Variants in ZBTB9 observed in about 807,000 individuals in gnomAD.
ZBTB9 encodes zinc finger and BTB domain containing 9.
A neutral mutation model predicts 26.3 loss-of-function variants in ZBTB9; 17 were observed. That is an observed-to-expected ratio of 0.65 (90% CI 0.44 to 0.97). The LOEUF is 0.97. Ranked by LOEUF, ZBTB9 falls within the 50% of genes least tolerant of loss-of-function variation. The pLI, the probability that ZBTB9 is intolerant of heterozygous loss-of-function variation, is 0.00. For synonymous variants in ZBTB9, 226 were observed against 234.3 expected (o/e 0.96, Z 0.32); for missense variants, 510 against 594.2 (o/e 0.86, Z 1.47).
At chr6:33,454,863 GGTTGTT>G (rs144940549) in intron 1 of ZBTB9, 88 bp downstream of exon 1, 1 of 560,976 alleles carries the variant, frequency 1.8e-6, no homozygotes, top group Non-Finnish European at 3.0e-6. Flanking sequence ...TAGTGGTGGT[GGTTGTT>G]GTTGTTGTTT....
At chr6:33,454,057 A>G (rs2151218190), upstream of ZBTB9, 4 of 152,342 alleles carry the variant, frequency 2.6e-5, no homozygotes, top group South Asian at 8.3e-4. Context: ...AGAAAACAGG[A>G]AAGAACCTGC....
rs953041228 is a variant in ZBTB9 at position 33,455,935 on chromosome 6, C to A, written c.835C>A (p.Pro279Thr). Reference protein sequence around the residue: ...PLELPAPPALPPKIFYIKQEP... With the variant: ...PLELPAPPALTPKIFYIKQEP... ...TGAGCTTCCTGCCCCTCCTGCACTG[C>A]CCCCCAAAATCTTCTACATTAAGCA... Residue 279 changes from proline (P) to threonine (T), a missense_variant, in exon 2 of 2, where the codon CCC (proline) becomes ACC (threonine). Physicochemically the swap from Pro to Thr is conservative, Grantham distance 38 (BLOSUM62 -1). Coordinates refer to ENST00000395064, the MANE Select transcript of ZBTB9 (RefSeq NM_152735.4). 3 of 1,611,542 alleles carry A rather than the reference C, an allele frequency of 1.9e-6. No individual in the cohort carries two copies. The highest frequency in any genetic ancestry group is 1.3e-5 in the African/African-American group (1 of 74,992).
In ZBTB9 at chr6:33,455,970, CGAGCCTAAG is replaced by C. The variant is rs1561797110; in HGVS notation, c.874_882del (p.Pro292_Glu294del). On this transcript the variant is annotated inframe_deletion, in exon 2 of 2. Coordinates refer to ENST00000395064, the MANE Select transcript of ZBTB9 (RefSeq NM_152735.4). ...TCTTCTACATTAAGCAGGAACCCTT[CGAGCCTAAG>C]GAGGAGATATCAGGAAGCGGAACTC... The C allele has an allele frequency of 6.2e-7, 1 of 1,613,332 alleles. No homozygotes were observed. The highest frequency in any genetic ancestry group is 8.5e-7 in the Non-Finnish European group (1 of 1,179,658).
In ZBTB9 at chr6:33,455,676, T is replaced by C; in HGVS notation, c.576T>C (p.Thr192=). The C allele has an allele frequency of 6.2e-7, 1 of 1,614,172 alleles. No homozygotes were observed. Among genetic ancestry groups the C allele is most frequent in the Non-Finnish European group, 8.5e-7 (1 of 1,180,018 alleles). Residue 192 remains threonine, a synonymous_variant, in exon 2 of 2, where the codon ACT becomes ACC. Coordinates refer to ENST00000395064, the MANE Select transcript of ZBTB9 (RefSeq NM_152735.4). ...SSASTESPAS[T]ESPVGGEGSE... is the part of the protein sequence containing the mutation. ...CTTCTACTGAAAGCCCTGCTTCCAC[T>C]GAGAGCCCTGTGGGAGGGGAGGGAA... is the stretch of plus-strand genomic sequence containing the variant.
rs954575850 is a variant in ZBTB9 at position 33,454,758 on chromosome 6, A to G, written c.-89A>G. 4 of 344,132 alleles carry G rather than the reference A, an allele frequency of 1.2e-5. No individual in the cohort carries two copies. Among genetic ancestry groups the G allele is most frequent in the Non-Finnish European group, 2.1e-5 (4 of 188,752 alleles). 21.3% of individuals were successfully genotyped at this position (344,132 alleles called of 1,614,324 possible). A position where few individuals can be genotyped will look rare whatever the true frequency, so the allele number is the denominator to read the frequency against. Reference sequence around the variant, plus strand: ...GTGAGGCGGAACGGAGCGGCGGGGCAGGAGCTGTTCTGGGCAGGTGAAGGC... The same window carrying G: ...GTGAGGCGGAACGGAGCGGCGGGGCGGGAGCTGTTCTGGGCAGGTGAAGGC... On this transcript the variant is annotated 5_prime_UTR_variant, in exon 1 of 2. Transcript: ENST00000395064.
rs777788961 is a variant in ZBTB9, at chr6:33,455,181, C to T, written c.81C>T (p.Phe27=). Residue 27 remains phenylalanine (F), a synonymous_variant, in exon 2 of 2, where the codon TTC becomes TTT. Transcript: ENST00000395064. ...NPAPRTIQIE[F]PQHSSSLLES... Reference sequence around the variant, plus strand: ...CCCCACGGACAATCCAGATCGAGTTCCCACAGCATAGCTCGTCTCTGCTGG... The same window carrying T: ...CCCCACGGACAATCCAGATCGAGTTTCCACAGCATAGCTCGTCTCTGCTGG... 2 of 1,614,124 alleles carry T rather than the reference C, an allele frequency of 1.2e-6. No homozygotes were observed. The highest frequency in any genetic ancestry group is 2.2e-5 in the East Asian group (1 of 44,882).
chr6:33,455,137 T>G lies in ZBTB9; in HGVS notation c.37T>G (p.Ser13Ala), dbSNP rs1420612464. ...AACACCTTTGCCGCCTGTACCCGCC[T>G]CCCCGACCTGCAACCCAGCCCCACG... ...TPTPLPPVPASPTCNPAPRTI... is the reference protein window; with the variant it reads ...TPTPLPPVPAAPTCNPAPRTI... Residue 13 changes from serine (S) to alanine (A), a missense_variant, in exon 2 of 2, where the codon TCC becomes GCC. By Grantham distance (99) the Ser-to-Ala change is moderately conservative. This residue lies in a region of ZBTB9 where 439 missense variants were observed against 460.4 expected (regional missense o/e 0.95). Coordinates refer to ENST00000395064, the MANE Select transcript of ZBTB9 (RefSeq NM_152735.4). The G allele has an allele frequency of 2.5e-6, 4 of 1,612,236 alleles. No homozygotes were observed. Among genetic ancestry groups the G allele is most frequent in the Non-Finnish European group, 3.4e-6 (4 of 1,178,906 alleles).
chr6:33,455,351 G>GTCTCA lies in ZBTB9; in HGVS notation c.252_256dup (p.Thr86IlefsTer47). The GTCTCA allele has an allele frequency of 6.2e-7, 1 of 1,614,164 alleles. No homozygotes were observed. The highest frequency in any genetic ancestry group is 8.5e-7 in the Non-Finnish European group (1 of 1,180,036). ...AAGCTGCTTCTGGGGGATGCGCCTCGTCTCACTCTACCGAGTGTCATTGAA... is the reference window on the plus strand; with the variant it reads ...AAGCTGCTTCTGGGGGATGCGCCTCGTCTCATCTCACTCTACCGAGTGTCATTGAA... On this transcript the variant is annotated frameshift_variant, in exon 2 of 2. Transcript: ENST00000395064. LOFTEE classifies it high-confidence loss of function.
rs776362917 is a variant in ZBTB9, at chr6:33,455,915, T to A, written c.815T>A (p.Leu272His). The change falls in exon 2 of 2, where the codon CTT (leucine) becomes CAT (histidine). Residue 272 changes from leucine (L) to histidine (H), a missense_variant. Coordinates refer to ENST00000395064, the MANE Select transcript of ZBTB9 (RefSeq NM_152735.4). ...GAGGGTGAGAGTGCACCACTTGAGC[T>A]TCCTGCCCCTCCTGCACTGCCCCCC... Reference protein sequence around the residue: ...LPEGESAPLELPAPPALPPKI... With the variant: ...LPEGESAPLEHPAPPALPPKI... The A allele has an allele frequency of 6.2e-7, 1 of 1,613,034 alleles. No individual in the cohort carries two copies. The highest frequency in any genetic ancestry group is 1.1e-5 in the South Asian group (1 of 90,894).
At position 33,455,623 on chromosome 6, in the gene ZBTB9, C is replaced by T; in HGVS notation, c.523C>T (p.Pro175Ser). The change falls in exon 2 of 2, where the codon CCT becomes TCT. Residue 175 changes from proline to serine, a missense_variant. Around this residue, in one of 2 missense-constraint regions of ZBTB9, gnomAD observed 439 missense variants for 460.4 expected, o/e 0.95. Coordinates refer to ENST00000395064, the MANE Select transcript of ZBTB9 (RefSeq NM_152735.4). ...STGGWCIRSS[P>S]FQTPVQSSAS... is the part of the protein sequence containing the mutation. ...AGGAGGCTGGTGCATTCGCTCTTCGCCTTTCCAGACCCCAGTACAGTCCTC... is the reference window on the plus strand; with the variant it reads ...AGGAGGCTGGTGCATTCGCTCTTCGTCTTTCCAGACCCCAGTACAGTCCTC... The T allele has an allele frequency of 6.2e-7, 1 of 1,613,984 alleles. No homozygotes were observed.
chr6:33,456,063 T>C lies in ZBTB9; in HGVS notation c.963T>C (p.Asn321=). 1 of 1,613,922 alleles carries C rather than the reference T, an allele frequency of 6.2e-7. No individual in the cohort carries two copies. The change falls in exon 2 of 2, where the codon AAT becomes AAC. Residue 321 remains asparagine, a synonymous_variant. Coordinates refer to ENST00000395064, the MANE Select transcript of ZBTB9 (RefSeq NM_152735.4). The surrounding 1 kb of genome is among the most constrained non-coding windows in gnomAD (Gnocchi z 5.1). ...TTTCTGGAGGGGACACTGAAGGGAATGGGGAGCTAGGGTTCTTGTTGCCTT... is the reference window on the plus strand; with the variant it reads ...TTTCTGGAGGGGACACTGAAGGGAACGGGGAGCTAGGGTTCTTGTTGCCTT... ...KVFSGGDTEG[N]GELGFLLPSG... is the part of the protein sequence containing the mutation.
At position 33,455,389 on chromosome 6, in the gene ZBTB9, G is replaced by C. The variant is rs748613142; in HGVS notation, c.289G>C (p.Glu97Gln). The C allele has an allele frequency of 7.4e-6, 12 of 1,614,070 alleles. No individual in the cohort carries two copies. The highest frequency in any genetic ancestry group is 1.0e-5 in the Non-Finnish European group (12 of 1,180,016). Residue 97 changes from glutamate to glutamine, a missense_variant, in exon 2 of 2, where the codon GAG becomes CAG. Around this residue, in one of 2 missense-constraint regions of ZBTB9, gnomAD observed 439 missense variants for 460.4 expected, o/e 0.95. Transcript: ENST00000395064. Reference protein sequence around the residue: ...LPSVIEADAFEGLLQLIYSGR... With the variant: ...LPSVIEADAFQGLLQLIYSGR... ...GAGTGTCATTGAAGCCGATGCCTTC[G>C]AGGGGCTGCTCCAGCTCATTTATTC...
chr6:33,455,363 C>G lies in ZBTB9; in HGVS notation c.263C>G (p.Pro88Arg), dbSNP rs1378698895. Reference protein sequence around the residue: ...LLGDAPRLTLPSVIEADAFEG... With the variant: ...LLGDAPRLTLRSVIEADAFEG... ...GGGGATGCGCCTCGTCTCACTCTAC[C>G]GAGTGTCATTGAAGCCGATGCCTTC... The change falls in exon 2 of 2, where the codon CCG (proline) becomes CGG (arginine). Residue 88 changes from proline to arginine, a missense_variant. Pro to Arg is a moderately radical substitution (Grantham distance 103). Around this residue, in one of 2 missense-constraint regions of ZBTB9, gnomAD observed 439 missense variants for 460.4 expected, o/e 0.95. Coordinates refer to ENST00000395064, the MANE Select transcript of ZBTB9 (RefSeq NM_152735.4). 3.7e-6 allele frequency: 6 copies of G among 1,614,068 alleles called. No individual in the cohort carries two copies. Among genetic ancestry groups the G allele is most frequent in the Non-Finnish European group, 5.1e-6 (6 of 1,180,050 alleles).
chr6:33,454,929 C>T, intron 1 of ZBTB9, 101 bp from the exon 2 acceptor site: 2 of 1,088,938 alleles, frequency 1.8e-6, no homozygotes, highest in Non-Finnish European at 2.5e-6. Context: ...CCGCCACTGA[C>T]TTAAAAGTTT....
rs779385782 is a variant in ZBTB9 at position 33,455,989 on chromosome 6, T to C, written c.889T>C (p.Ser297Pro). Residue 297 changes from serine to proline, a missense_variant, in exon 2 of 2, where the codon TCA becomes CCA. By Grantham distance (74) the Ser-to-Pro change is moderately conservative. Transcript: ENST00000395064. ...ACCCTTCGAGCCTAAGGAGGAGATA[T>C]CAGGAAGCGGAACTCAGCCTGGAGG... ...QEPFEPKEEI[S>P]GSGTQPGGAK... 3.7e-6 allele frequency: 6 copies of C among 1,613,942 alleles called. No individual in the cohort carries two copies. Among genetic ancestry groups the C allele is most frequent in the South Asian group, 1.1e-5 (1 of 91,066 alleles).
chr6:33,455,085 C>A lies in ZBTB9; in HGVS notation c.-16C>A. 6.4e-7 allele frequency: 1 copy of A among 1,571,322 alleles called. No homozygotes were observed. The highest frequency in any genetic ancestry group is 8.6e-7 in the Non-Finnish European group (1 of 1,157,512). On this transcript the variant is annotated 5_prime_UTR_variant, in exon 2 of 2. Transcript: ENST00000395064. ...CCCTTCTCCTCTTCCCAATTCTTGT[C>A]ACCTTCGAGGAGGCCATGGAAACCC...
At position 33,456,200 on chromosome 6, in the gene ZBTB9, T is replaced by C. The variant is rs1175350057; in HGVS notation, c.1100T>C (p.Val367Ala). The C allele has an allele frequency of 1.2e-6, 2 of 1,610,250 alleles. No individual in the cohort carries two copies. Among genetic ancestry groups the C allele is most frequent in the Admixed American group, 1.7e-5 (1 of 59,730 alleles). ...GGACCTGGGGGAGCAGGCCAGGCCG[T>C]GCATGGGCCTGTGAAGCTAGGGGGG... ...GGGPGGAGQA[V>A]HGPVKLGGTP... The change falls in exon 2 of 2, where the codon GTG becomes GCG. Residue 367 changes from valine (V) to alanine (A), a missense_variant. By Grantham distance (64) the Val-to-Ala change is moderately conservative. Transcript: ENST00000395064. This position sits in a 1 kb window ranked among gnomAD's most constrained non-coding sequence, Gnocchi z 5.1.
chr6:33,455,825 G>A lies in ZBTB9; in HGVS notation c.725G>A (p.Gly242Glu). The change falls in exon 2 of 2, where the codon GGG (glycine) becomes GAG (glutamate). Residue 242 changes from glycine (G) to glutamate (E), a missense_variant. Coordinates refer to ENST00000395064, the MANE Select transcript of ZBTB9 (RefSeq NM_152735.4). ...ACTCCTCAGCCCCAGAGAGTATCAG[G>A]GGTTTTTCCCCGTCCTCATGGACCC... ...SQTPQPQRVS[G>E]VFPRPHGPHP... 1 of 1,611,126 alleles carries A rather than the reference G, an allele frequency of 6.2e-7. No homozygotes were observed. The highest frequency in any genetic ancestry group is 8.5e-7 in the Non-Finnish European group (1 of 1,178,354).
In ZBTB9 at chr6:33,456,702, A is replaced by C; in HGVS notation, c.*180A>C. The C allele has an allele frequency of 1.7e-6, 2 of 1,193,282 alleles. No individual in the cohort carries two copies. The allele number at this position is 1,193,282 out of a possible 1,614,324, so 73.9% of individuals were successfully genotyped here. The stretch of plus-strand genomic sequence containing the variant: ...CAGCCTGGCAGATGTGGAAACTCAA[A>C]TTTCTCGTCCCACTCCAGGTTTTGG... On this transcript the variant is annotated 3_prime_UTR_variant, in exon 2 of 2. Coordinates refer to ENST00000395064, the MANE Select transcript of ZBTB9 (RefSeq NM_152735.4). The surrounding 1 kb of genome is among the most constrained non-coding windows in gnomAD (Gnocchi z 5.1).
Sources: allele counts gnomAD v4.1 joint callset, GRCh38; gene constraint gnomAD v4.1.1; regional missense constraint gnomAD v4.1.1; non-coding constraint Gnocchi (gnomAD v3.1); transcripts MANE v1.5; gene names NCBI Gene and HGNC (gene_info 2026-07-23, HGNC 2026-07-21).